KLF12: variants seen among roughly 807,000 people sequenced by gnomAD.
The protein encoded by KLF12 is Krueppel-like factor 12.
In KLF12, 9 loss-of-function variants were observed where a neutral mutation model predicts 37.8. The ratio of observed to expected loss-of-function variants is 0.24; its 90% CI spans 0.14 to 0.42. KLF12 has a LOEUF of 0.42. Ranked by LOEUF, KLF12 falls within the 10% of genes least tolerant of loss-of-function variation. KLF12 has a pLI of 1.00. For missense variants in KLF12, 411 were observed against 516.0 expected, an observed-to-expected ratio of 0.80 and a Z score of 1.97; for synonymous variants, 208 against 202.1, an observed-to-expected ratio of 1.03 and a Z score of -0.25.
chr13:73,861,506 T>C (rs1258477924), intron 3 of KLF12, among the ~76,000 whole-genome samples: 1 of 152,154 alleles, frequency 6.6e-6, no homozygotes, highest in African/African-American at 2.4e-5. Flanking sequence ...AGGTAATGTG[T>C]CCCCCAGGGG....
In KLF12 at chr13:73,846,211, C is replaced by T. The variant is rs771843770; in HGVS notation, c.286G>A (p.Val96Ile). ...GTCATGGAAACTGGGGAGGATGAAA[C>T]GGCAGTAGGGGACGTCCTGGCTTTG... The change falls in exon 4 of 8, where the codon GTT becomes ATT. Residue 96 changes from valine to isoleucine, a missense_variant. Transcript: ENST00000377669. 30 of 1,613,958 alleles carry T rather than the reference C, an allele frequency of 1.9e-5. No individual in the cohort carries two copies. The highest frequency in any genetic ancestry group is 2.7e-5 in the African/African-American group (2 of 74,892).
At chr13:73,835,700 T>G (rs1322414342) in intron 4 of KLF12, among the ~76,000 whole-genome samples, 1 of 152,136 alleles carries the variant, frequency 6.6e-6, no homozygotes, top group Non-Finnish European at 1.5e-5. Flanking sequence ...ATGACTAGTA[T>G]ATATACACAC....
chr13:73,787,251 C>T (rs747665950), intron 5 of KLF12, among the ~76,000 whole-genome samples: 8 of 152,142 alleles, frequency 5.3e-5, no homozygotes, highest in Non-Finnish European at 1.2e-4. Flanking sequence ...GCAAGTCTCT[C>T]CCTGAAACAA....
chr13:74,150,915 A>G, the KLF12 span, among the ~76,000 whole-genome samples: 121,638 of 152,192 alleles, frequency 0.8, 49,520 homozygotes, highest in East Asian at 0.91. Context: ...TTATTTCTGG[A>G]ATTTTCCATT....
chr13:73,999,243 T>C (rs887607236), intron 1 of KLF12, among the ~76,000 whole-genome samples: 2 of 152,138 alleles, frequency 1.3e-5, no homozygotes, highest in African/African-American at 4.8e-5. Flanking sequence ...TCACTTCAAT[T>C]AGGGTAGGTG....
intron 6 of KLF12, among the ~76,000 whole-genome samples, chr13:73,744,944 C>T (rs1566336733): frequency 1.3e-5 from 2 of 152,120 alleles, no homozygotes; most frequent in Non-Finnish European, 2.9e-5. Context: ...ATTCTGAGGC[C>T]ATGGTTGCAC....
chr13:73,837,634 A>C (rs999274680), intron 4 of KLF12, among the ~76,000 whole-genome samples: 6 of 152,210 alleles, frequency 3.9e-5, no homozygotes, highest in Admixed American at 6.6e-5. Flanking sequence ...CATAAGAGTG[A>C]AACACTCAAG....
the KLF12 span, among the ~76,000 whole-genome samples, chr13:74,234,766 A>T: frequency 1.3e-5 from 2 of 151,402 alleles, no homozygotes; most frequent in East Asian, 3.9e-4. Flanking sequence ...AAAGCTTCGG[A>T]GATCTCTTTC....
chr13:74,242,410 C>G, the KLF12 span, among the ~76,000 whole-genome samples: 3 of 152,246 alleles, frequency 2.0e-5, no homozygotes, highest in Non-Finnish European at 4.4e-5. Context: ...GAATGAGAAC[C>G]AAGTGAAAGA....
intron 5 of KLF12, among the ~76,000 whole-genome samples, chr13:73,808,830 A>G (rs540839195): frequency 2.0e-5 from 3 of 152,286 alleles, no homozygotes; most frequent in Admixed American, 1.3e-4. Context: ...TCAGTTAGAG[A>G]TATTTACCTG....
chr13:74,151,977 C>T, the KLF12 span, among the ~76,000 whole-genome samples: 2 of 152,268 alleles, frequency 1.3e-5, no homozygotes, highest in Admixed American at 1.3e-4. Context: ...TAAAGAGTAG[C>T]AGCACTCCTG....
chr13:73,985,826 A>G (rs1183179771), intron 2 of KLF12, among the ~76,000 whole-genome samples: 1 of 152,216 alleles, frequency 6.6e-6, no homozygotes, highest in East Asian at 1.9e-4. Context: ...TTTGATAACA[A>G]AAACAATCAA....
intron 1 of KLF12, among the ~76,000 whole-genome samples, chr13:74,061,772 A>G (rs1873605522): frequency 6.6e-6 from 1 of 152,232 alleles, no homozygotes; most frequent in Admixed American, 6.5e-5. Flanking sequence ...AGGTTCAACT[A>G]CTTTGAATAC....
intron 5 of KLF12, among the ~76,000 whole-genome samples, chr13:73,777,661 T>C (rs1880698486): frequency 6.6e-6 from 1 of 151,088 alleles, no homozygotes; most frequent in Admixed American, 6.6e-5. Context: ...TGAGCCAAGA[T>C]TGCGCCATTG....
At chr13:73,973,434 AACAG>A (rs1358845347) in intron 2 of KLF12, among the ~76,000 whole-genome samples, 1 of 152,176 alleles carries the variant, frequency 6.6e-6, no homozygotes, top group Non-Finnish European at 1.5e-5. Flanking sequence ...ACATCACCAA[AACAG>A]ACAGAGAGGG....
the KLF12 span, among the ~76,000 whole-genome samples, chr13:74,199,286 C>T: frequency 6.6e-6 from 1 of 152,202 alleles, no homozygotes; most frequent in Non-Finnish European, 1.5e-5. Context: ...TAACGATTTA[C>T]TTCAAAGTGA....
intron 1 of KLF12, among the ~76,000 whole-genome samples, chr13:74,044,860 CAA>C (rs34045412): frequency 8.3e-5 from 8 of 96,782 alleles, no homozygotes; most frequent in African/African-American, 7.3e-5. Context: ...CAGAAAGTCT[CAA>C]AAAAAAAAAA....
intron 3 of KLF12, among the ~76,000 whole-genome samples, chr13:73,881,619 T>C (rs1320678289): frequency 6.6e-6 from 1 of 152,224 alleles, no homozygotes; most frequent in Non-Finnish European, 1.5e-5. Context: ...ACTCTCATTT[T>C]GCATCTCCTC....
At chr13:74,221,148 G>A in the KLF12 span, among the ~76,000 whole-genome samples, 3 of 151,792 alleles carry the variant, frequency 2.0e-5, no homozygotes, top group Admixed American at 2.0e-4. Flanking sequence ...GGGACTACAA[G>A]CACCGCCGCC....
Sources: gnomAD v4.1 joint callset for allele counts (sites outside exome capture counted in the v4.1 genomes callset) on GRCh38, gnomAD v4.1.1 for gene constraint, MANE v1.5 for transcripts, NCBI Gene and HGNC (gene_info 2026-07-23, HGNC 2026-07-21) for gene names.